DRD2: variants seen among roughly 807,000 people sequenced by gnomAD.
The protein encoded by DRD2 is D(2) dopamine receptor.
Under a neutral mutation model 38.0 loss-of-function variants are expected in DRD2, and 8 were observed. The observed-to-expected ratio is 0.21, with a 90% confidence interval of 0.12 to 0.38. The LOEUF (loss-of-function observed/expected upper bound fraction) is 0.38, where lower values mean the gene tolerates loss of function less well. DRD2 is among the 10% of genes least tolerant of loss of function. The probability of loss-of-function intolerance (pLI) is 1.00; values close to 1 mark genes in which losing one functional copy is unlikely to be tolerated. For missense variants in DRD2, 403 were observed against 607.7 expected, an observed-to-expected ratio of 0.66 and a Z score of 3.54; for synonymous variants, 230 against 238.6, an observed-to-expected ratio of 0.96 and a Z score of 0.33.
intron 1 of DRD2, among the ~76,000 whole-genome samples, chr11:113,448,687 C>T (rs1010898934): frequency 3.9e-5 from 6 of 152,218 alleles, no homozygotes; most frequent in Non-Finnish European, 8.8e-5. Context: ...CTTCCTCAAG[C>T]TCATTGTCAC....
chr11:113,466,882 T>C (rs985848698), intron 1 of DRD2, among the ~76,000 whole-genome samples: 1 of 152,132 alleles, frequency 6.6e-6, no homozygotes, highest in Non-Finnish European at 1.5e-5. Flanking sequence ...AAATGCACAA[T>C]TGAGAGATTA....
At chr11:113,441,708 A>G (rs900524545) in intron 1 of DRD2, among the ~76,000 whole-genome samples, 24 of 152,098 alleles carry the variant, frequency 1.6e-4, no homozygotes, top group Non-Finnish European at 2.9e-5. Flanking sequence ...AAGAAGCTAC[A>G]CCTTGGTGGC....
chr11:113,466,503 C>G (rs1951370900), intron 1 of DRD2, among the ~76,000 whole-genome samples: 1 of 152,126 alleles, frequency 6.6e-6, no homozygotes, highest in African/African-American at 2.4e-5. Flanking sequence ...ACTTCCATGC[C>G]CTGTGACAAC....
intron 1 of DRD2, among the ~76,000 whole-genome samples, chr11:113,465,432 T>C (rs1028385613): frequency 2.6e-5 from 4 of 152,036 alleles, no homozygotes; most frequent in African/African-American, 9.7e-5. Flanking sequence ...GTTTGTTTGT[T>C]TGTTTGTTTG....
At chr11:113,468,387 T>C (rs539722678) in intron 1 of DRD2, among the ~76,000 whole-genome samples, 1 of 152,086 alleles carries the variant, frequency 6.6e-6, no homozygotes, top group African/African-American at 2.4e-5. Context: ...AACAGAGGAG[T>C]CTTCTCACTT....
chr11:113,465,111 A>AT (rs142453320), intron 1 of DRD2, among the ~76,000 whole-genome samples: 38,715 of 145,556 alleles, frequency 0.27, 5,844 homozygotes, highest in Middle Eastern at 0.4. Flanking sequence ...AGCCTCTGTG[A>AT]TTTTTTTTTT....
chr11:113,431,207 C>G (rs1466877598), intron 1 of DRD2, among the ~76,000 whole-genome samples: 1 of 152,236 alleles, frequency 6.6e-6, no homozygotes, highest in Non-Finnish European at 1.5e-5. Flanking sequence ...GGTTGAGCTA[C>G]TTGACAGTGT....
At chr11:113,455,067 G>T (rs969917598) in intron 1 of DRD2, among the ~76,000 whole-genome samples, 1 of 152,136 alleles carries the variant, frequency 6.6e-6, no homozygotes, top group African/African-American at 2.4e-5. Context: ...TGTTGATCTG[G>T]GCCGGGCACG....
intron 1 of DRD2, among the ~76,000 whole-genome samples, chr11:113,431,382 C>T (rs932698191): frequency 6.6e-6 from 1 of 152,176 alleles, no homozygotes; most frequent in Non-Finnish European, 1.5e-5. Flanking sequence ...TTCCATGGGT[C>T]CTCTGAGGCC....
rs199523375 is a variant in DRD2, at chr11:113,410,711, C to T, written c.*16G>A. On this transcript the variant is annotated 3_prime_UTR_variant, in exon 8 of 8. Coordinates refer to ENST00000362072, the MANE Select transcript of DRD2 (RefSeq NM_000795.4). ...GGGAGGTGGGAAGCAGGCTGCTGTG[C>T]GGGCAGGCAGCAGAGTCAGCAGTGG... The T allele has an allele frequency of 6.0e-5, 97 of 1,613,880 alleles. 1 individual carries two copies. The highest frequency in any genetic ancestry group is 1.7e-4 in the Middle Eastern group (1 of 5,942).
chr11:113,449,454 C>G (rs1951187883), intron 1 of DRD2, among the ~76,000 whole-genome samples: 1 of 152,146 alleles, frequency 6.6e-6, no homozygotes, highest in Non-Finnish European at 1.5e-5. Flanking sequence ...TTGGACATGT[C>G]AAGCACCTGT....
chr11:113,424,620 T>G lies in DRD2; in HGVS notation c.32A>C (p.Asp11Ala). 6.2e-7 allele frequency: 1 copy of G among 1,614,150 alleles called. No homozygotes were observed. Among genetic ancestry groups the G allele is most frequent in the Non-Finnish European group, 8.5e-7 (1 of 1,180,038 alleles). ...GCTCCAGTTCTGCCTCTCCAGATCA[T>G]CATCATACCAGGACAGATTCAGTGG... is the stretch of plus-strand genomic sequence containing the variant. Reference protein sequence around the residue: MDPLNLSWYDDDLERQNWSRP... With the variant: MDPLNLSWYDADLERQNWSRP... The change falls in exon 2 of 8, where the codon GAT becomes GCT. Residue 11 changes from aspartate (D) to alanine (A), a missense_variant. Asp to Ala is a moderately radical substitution (Grantham distance 126). Around this residue, in one of 4 missense-constraint regions of DRD2, gnomAD observed 162 missense variants for 254.5 expected, o/e 0.64. Transcript: ENST00000362072.
At chr11:113,454,834 C>G (rs1951253345) in intron 1 of DRD2, among the ~76,000 whole-genome samples, 1 of 152,124 alleles carries the variant, frequency 6.6e-6, no homozygotes, top group African/African-American at 2.4e-5. Flanking sequence ...ACCCATGCAT[C>G]TATAGTCAAT....
chr11:113,428,046 G>A (rs1251718436), intron 1 of DRD2, among the ~76,000 whole-genome samples: 1 of 152,170 alleles, frequency 6.6e-6, no homozygotes, highest in Non-Finnish European at 1.5e-5. Flanking sequence ...AATCAGCCCT[G>A]TTGACACCTT....
rs199524272 is a variant in DRD2 at position 113,424,565 on chromosome 11, C to T, written c.87G>A (p.Ala29=). The T allele has an allele frequency of 1.5e-5, 25 of 1,614,084 alleles. No individual in the cohort carries two copies. Among genetic ancestry groups the T allele is most frequent in the Middle Eastern group, 1.6e-4 (1 of 6,084 alleles). Residue 29 remains alanine, a synonymous_variant, in exon 2 of 8, where the codon GCG becomes GCA. Transcript: ENST00000362072. ...SRPFNGSDGK[A]DRPHYNYYAT... is the part of the protein sequence containing the mutation. The stretch of plus-strand genomic sequence containing the variant: ...CATAGTAGTTGTAGTGGGGTCTGTC[C>T]GCCTTCCCGTCTGACCCGTTGAAGG...
intron 1 of DRD2, among the ~76,000 whole-genome samples, chr11:113,426,609 G>A (rs1231691279): frequency 1.3e-5 from 2 of 152,126 alleles, no homozygotes; most frequent in Admixed American, 1.3e-4. Flanking sequence ...GATGGTGGAA[G>A]AGGGTCTGCC....
intron 1 of DRD2, among the ~76,000 whole-genome samples, chr11:113,428,623 G>A (rs1440675585): frequency 6.6e-6 from 1 of 151,836 alleles, no homozygotes; most frequent in Non-Finnish European, 1.5e-5. Flanking sequence ...TGTAAACTGG[G>A]ATTTAATTTT....
In DRD2 at chr11:113,472,251, C is replaced by T. The variant is rs1591307433; in HGVS notation, c.-32+2825G>A. On this transcript the variant is annotated intron_variant, in intron 1 of 7. Transcript: ENST00000362072. Reference sequence around the variant, plus strand: ...CTTTTTTGTTAACACTAAAATGTAACTTTTACTTGCAGGGGAGATGGAAAC... The same window carrying T: ...CTTTTTTGTTAACACTAAAATGTAATTTTTACTTGCAGGGGAGATGGAAAC... 2.0e-5 allele frequency among the ~76,000 whole-genome samples: 3 copies of T among 152,340 alleles called. No individual in the cohort carries two copies. The East Asian group carries it at 5.8e-4, about 29-fold the overall frequency.
chr11:113,456,898 GTA>G (rs1951272931), intron 1 of DRD2, among the ~76,000 whole-genome samples: 1 of 152,180 alleles, frequency 6.6e-6, no homozygotes, highest in Non-Finnish European at 1.5e-5. Flanking sequence ...TTCACATCAT[GTA>G]TTTTTTTAAC....
Sources: gnomAD v4.1 joint callset for allele counts (sites outside exome capture counted in the v4.1 genomes callset) on GRCh38, gnomAD v4.1.1 for gene constraint, gnomAD v4.1.1 regional missense constraint, MANE v1.5 for transcripts, NCBI Gene and HGNC (gene_info 2026-07-23, HGNC 2026-07-21) for gene names.